KIF21A: variants seen among roughly 807,000 people sequenced by gnomAD.
The protein encoded by KIF21A is kinesin family member 21A, also known as kinesin-like protein KIF21A.
A neutral mutation model predicts 202.9 loss-of-function variants in KIF21A; 114 were observed. That is an observed-to-expected ratio of 0.56 (90% confidence interval 0.48 to 0.66). The LOEUF is 0.66. KIF21A is among the 30% of genes least tolerant of loss of function. KIF21A has a pLI of 0.00. For synonymous variants in KIF21A, 667 were observed against 670.8 expected, an observed-to-expected ratio of 0.99 and a Z score of 0.09; for missense variants, 1,677 against 1,994.9, an observed-to-expected ratio of 0.84 and a Z score of 3.04.
chr12:39,372,073 TA>T (rs1175341355), intron 1 of KIF21A, among the ~76,000 whole-genome samples: 1 of 146,740 alleles, frequency 6.8e-6, no homozygotes, highest in Non-Finnish European at 1.5e-5. Flanking sequence ...AAAATAGAGG[TA>T]AAAACAAGTT....
intron 1 of KIF21A, among the ~76,000 whole-genome samples, chr12:39,384,237 T>A (rs974011991): frequency 1.2e-4 from 19 of 152,220 alleles, no homozygotes; most frequent in African/African-American, 4.3e-4. Flanking sequence ...AAGGTAAATC[T>A]TAATAATGAT....
intron 34 of KIF21A, among the ~76,000 whole-genome samples, chr12:39,306,242 C>T (rs1943463432): frequency 6.6e-6 from 1 of 152,218 alleles, no homozygotes; most frequent in Non-Finnish European, 1.5e-5. Flanking sequence ...AACCAGGTCT[C>T]CAAGAGTCAA....
intron 6 of KIF21A, 46 bp downstream of exon 6, chr12:39,366,304 A>G (rs1234109893): frequency 2.0e-6 from 3 of 1,522,966 alleles, no homozygotes; most frequent in Non-Finnish European, 2.7e-6. Context: ...ACAAAAGGAC[A>G]ATAGAAAAGC....
chr12:39,417,204 G>A (rs1566274543), intron 1 of KIF21A, among the ~76,000 whole-genome samples: 1 of 152,114 alleles, frequency 6.6e-6, no homozygotes. Flanking sequence ...AGAAGACACA[G>A]TGTTATGGGA....
chr12:39,366,881 C>A, intron 5 of KIF21A, 149 bp downstream of exon 5: 1 of 804,964 alleles, frequency 1.2e-6, no homozygotes, highest in Non-Finnish European at 2.0e-6. Context: ...CATGGCTGAC[C>A]AGCTTCAACT....
chr12:39,315,845 A>G, intron 30 of KIF21A, 87 bp downstream of exon 30: 1 of 937,714 alleles, frequency 1.1e-6, no homozygotes, highest in South Asian at 1.3e-5. Flanking sequence ...GCATGCAACA[A>G]AAATGAGACT....
At chr12:39,316,024 A>G in intron 29 of KIF21A, 54 bp from the exon 30 acceptor site, 1 of 1,238,310 alleles carries the variant, frequency 8.1e-7, no homozygotes, top group Non-Finnish European at 1.2e-6. Context: ...TCAACAGGTA[A>G]GGACACTGAC....
intron 1 of KIF21A, among the ~76,000 whole-genome samples, chr12:39,441,807 T>A (rs1939681266): frequency 6.6e-6 from 1 of 151,906 alleles, no homozygotes; most frequent in Non-Finnish European, 1.5e-5. Context: ...AGGGGAGAAT[T>A]TTTAGAATAA....
At chr12:39,324,041 C>T (rs1039185053) in intron 26 of KIF21A, among the ~76,000 whole-genome samples, 2 of 151,606 alleles carry the variant, frequency 1.3e-5, no homozygotes, top group African/African-American at 4.9e-5. Flanking sequence ...ACCCGGAAGG[C>T]GGAGGTTGCA....
chr12:39,421,869 T>C (rs1954318652), intron 1 of KIF21A, among the ~76,000 whole-genome samples: 1 of 147,860 alleles, frequency 6.8e-6, no homozygotes, highest in Admixed American at 6.8e-5. Flanking sequence ...ATATAAATAA[T>C]AAACATATAT....
intron 1 of KIF21A, among the ~76,000 whole-genome samples, chr12:39,372,021 T>C (rs1255906063): frequency 6.7e-6 from 1 of 149,270 alleles, no homozygotes; most frequent in African/African-American, 2.6e-5. Context: ...TAGCCTTATT[T>C]TGTGAAATTT....
chr12:39,370,013 T>C, intron 2 of KIF21A, 26 bp downstream of exon 2: 1 of 1,600,854 alleles, frequency 6.2e-7, no homozygotes, highest in Non-Finnish European at 8.6e-7. Context: ...AAGTTTCAAC[T>C]CCTATGAAAA....
Position 39,341,501 on chromosome 12 carries a change from G to A in KIF21A, c.1921+4C>T, listed in dbSNP as rs1255123369. On this transcript the variant is annotated splice_donor_region_variant and intron_variant, in intron 14 of 37. Coordinates refer to ENST00000361418, the MANE Select transcript of KIF21A (RefSeq NM_001173464.2). ...TTTTTGCCCTTATACCAAAGGGCAA[G>A]TACCTTTTTCATCTGATTCAGAATC... is the stretch of plus-strand genomic sequence containing the variant. 1.2e-6 allele frequency: 2 copies of A among 1,612,684 alleles called. No homozygotes were observed. The highest frequency in any genetic ancestry group is 2.2e-5 in the East Asian group (1 of 44,820).
chr12:39,310,176 C>T (rs1943891692), intron 32 of KIF21A, among the ~76,000 whole-genome samples: 1 of 151,982 alleles, frequency 6.6e-6, no homozygotes, highest in South Asian at 2.1e-4. Flanking sequence ...ACATTTTTCC[C>T]CCCAAGGGTC....
Position 39,304,806 on chromosome 12 carries a change from G to T in KIF21A, c.4560+15C>A, listed in dbSNP as rs774522417. ...TTAATAGACAAATATAATTCAGAAAGTCTCTTATACATACTTTGATGTAAT... is the reference window on the plus strand; with the variant it reads ...TTAATAGACAAATATAATTCAGAAATTCTCTTATACATACTTTGATGTAAT... On this transcript the variant is annotated intron_variant, in intron 35 of 37. Transcript: ENST00000361418. 16 of 1,225,570 alleles carry T rather than the reference G, an allele frequency of 1.3e-5. No homozygotes were observed. The East Asian group carries it at 3.3e-4, about 25-fold the overall frequency. 75.9% of individuals were successfully genotyped at this position (1,225,570 alleles called of 1,614,324 possible).
At chr12:39,336,797 A>G (rs1232809917) in intron 17 of KIF21A, among the ~76,000 whole-genome samples, 2 of 152,146 alleles carry the variant, frequency 1.3e-5, no homozygotes, top group Non-Finnish European at 2.9e-5. Flanking sequence ...TAATACTGCA[A>G]CTAGTTCCTT....
intron 27 of KIF21A, 31 bp from the exon 28 acceptor site, chr12:39,320,044 A>C (rs200176019): frequency 7.7e-7 from 1 of 1,304,684 alleles, no homozygotes; most frequent in East Asian, 2.4e-5. Flanking sequence ...TTAATTACCT[A>C]ATTCTAAATT....
chr12:39,307,291 T>C (rs766736977), intron 34 of KIF21A, among the ~76,000 whole-genome samples: 19 of 152,172 alleles, frequency 1.2e-4, no homozygotes, highest in Non-Finnish European at 2.1e-4. Context: ...CAACATGACT[T>C]GTAGGCAAAT....
chr12:39,337,565 T>C (rs1443652437), intron 16 of KIF21A: 4 of 230,340 alleles, frequency 1.7e-5, no homozygotes, highest in South Asian at 1.2e-4. Flanking sequence ...TTCCACAGCA[T>C]TGGATTTTTG....
Sources: gnomAD v4.1 joint callset for allele counts (sites outside exome capture counted in the v4.1 genomes callset) on GRCh38, gnomAD v4.1.1 for gene constraint, MANE v1.5 for transcripts, NCBI Gene and HGNC (gene_info 2026-07-23, HGNC 2026-07-21) for gene names.